The following IPCEF1 variants were observed in gnomAD, a reference collection of about 807,000 sequenced individuals.
The protein encoded by IPCEF1 is interaction protein for cytohesin exchange factors 1.
A neutral mutation model predicts 50.9 loss-of-function variants in IPCEF1; 31 were observed. The ratio of observed to expected loss-of-function variants is 0.61; its 90% CI spans 0.46 to 0.82. The LOEUF (loss-of-function observed/expected upper bound fraction) is 0.82. Ranked by LOEUF, IPCEF1 falls within the 40% of genes least tolerant of loss-of-function variation. IPCEF1 has a pLI of 0.00. For synonymous variants in IPCEF1, 181 were observed against 192.0 expected (o/e 0.94, Z 0.47); for missense variants, 458 against 514.0 (o/e 0.89, Z 1.05).
intron 3 of IPCEF1, among the ~76,000 whole-genome samples, chr6:154,248,971 G>A (rs1209494430): frequency 6.6e-6 from 1 of 152,022 alleles, no homozygotes. Flanking sequence ...TTACAACGAA[G>A]CTAAAGTGTT....
At chr6:154,225,250 T>C (rs1779161856) in intron 5 of IPCEF1, among the ~76,000 whole-genome samples, 1 of 152,204 alleles carries the variant, frequency 6.6e-6, no homozygotes, top group Non-Finnish European at 1.5e-5. Context: ...TTTTGGATTA[T>C]GGATGCTCAG....
chr6:154,176,926 T>C (rs1800383204), intron 10 of IPCEF1, among the ~76,000 whole-genome samples: 1 of 152,200 alleles, frequency 6.6e-6, no homozygotes, highest in Non-Finnish European at 1.5e-5. Context: ...AGCATGACAC[T>C]GGTACTAAAA....
chr6:154,249,518 T>C (rs193222336), intron 3 of IPCEF1, among the ~76,000 whole-genome samples: 5 of 152,164 alleles, frequency 3.3e-5, no homozygotes, highest in Non-Finnish European at 4.4e-5. Context: ...GAAAAGGGCG[T>C]TGTTAACAGT....
chr6:154,202,419 T>C (rs542042496), intron 9 of IPCEF1, among the ~76,000 whole-genome samples: 1 of 152,254 alleles, frequency 6.6e-6, no homozygotes, highest in East Asian at 1.9e-4. Context: ...GCAGGAATAG[T>C]TTACTCGTTA....
At chr6:154,247,011 G>T (rs1781108088) in intron 4 of IPCEF1, 1 of 445,210 alleles carries the variant, frequency 2.2e-6, no homozygotes, top group Non-Finnish European at 3.9e-6. Context: ...ATAAGATACG[G>T]CCAAAGAAAC....
At chr6:154,197,630 G>T (rs184879232) in intron 10 of IPCEF1, among the ~76,000 whole-genome samples, 68 of 152,320 alleles carry the variant, frequency 4.5e-4, no homozygotes, top group African/African-American at 1.6e-3. Context: ...AAAAGGGCTG[G>T]TGGTACCCAG....
intron 1 of IPCEF1, among the ~76,000 whole-genome samples, chr6:154,314,950 A>C (rs2128683021): frequency 6.7e-6 from 1 of 149,562 alleles, no homozygotes; most frequent in Admixed American, 6.8e-5. Context: ...ACACAATCTC[A>C]GCTCACTGCA....
intron 5 of IPCEF1, among the ~76,000 whole-genome samples, chr6:154,244,658 C>A (rs535120979): frequency 5.9e-5 from 9 of 152,292 alleles, no homozygotes; most frequent in Admixed American, 5.9e-4. Flanking sequence ...TAACTCATTT[C>A]TCCTCTAAGA....
chr6:154,211,267 T>A (rs2128604701), intron 9 of IPCEF1, among the ~76,000 whole-genome samples: 1 of 151,918 alleles, frequency 6.6e-6, no homozygotes, highest in South Asian at 2.1e-4. Flanking sequence ...ATACAAAAAA[T>A]TAGCCGGGCG....
intron 2 of IPCEF1, among the ~76,000 whole-genome samples, chr6:154,271,234 T>G (rs962782049): frequency 6.6e-6 from 1 of 151,664 alleles, no homozygotes; most frequent in African/African-American, 2.4e-5. Context: ...CAGCCCTGTA[T>G]GATGGCAGGC....
intron 2 of IPCEF1, among the ~76,000 whole-genome samples, chr6:154,282,662 G>A (rs1315173599): frequency 2.0e-5 from 3 of 152,148 alleles, no homozygotes; most frequent in Admixed American, 1.3e-4. Context: ...AGTCTGGCCT[G>A]GGCAAAAGAG....
intron 2 of IPCEF1, among the ~76,000 whole-genome samples, chr6:154,274,117 A>G (rs13199862): frequency 0.23 from 34,939 of 150,558 alleles, 4,621 homozygotes; most frequent in African/African-American, 0.35. Flanking sequence ...TCTACTTGCT[A>G]TAGAATATTC....
chr6:154,301,316 T>C (rs1308337273), intron 1 of IPCEF1, among the ~76,000 whole-genome samples: 1 of 152,194 alleles, frequency 6.6e-6, no homozygotes, highest in East Asian at 1.9e-4. Context: ...CCTGGGGCCA[T>C]GCACTGGTAG....
intron 5 of IPCEF1, among the ~76,000 whole-genome samples, chr6:154,236,173 AC>A (rs1482499765): frequency 6.6e-6 from 1 of 152,234 alleles, no homozygotes; most frequent in Non-Finnish European, 1.5e-5. Flanking sequence ...GAGTCAATAA[AC>A]AAAATGTGGT....
chr6:154,246,713 G>T lies in IPCEF1; in HGVS notation c.124C>A (p.His42Asn). 1 of 1,613,958 alleles carries T rather than the reference G, an allele frequency of 6.2e-7. No homozygotes were observed. Among genetic ancestry groups the T allele is most frequent in the Non-Finnish European group, 8.5e-7 (1 of 1,179,964 alleles). ...TACAGCCACCCTTGGCAGTCAGCATGGCCCAGATCTTTACACGATATCCTC... is the reference window on the plus strand; with the variant it reads ...TACAGCCACCCTTGGCAGTCAGCATTGCCCAGATCTTTACACGATATCCTC... ...RRRISCKDLG[H>N]ADCQGWLYKK... is the part of the protein sequence containing the mutation. Residue 42 changes from histidine (H) to asparagine (N), a missense_variant, in exon 5 of 12, where the codon CAT (histidine) becomes AAT (asparagine). Physicochemically the swap from His to Asn is moderately conservative, Grantham distance 68. Transcript: ENST00000367220.
At chr6:154,315,087 T>G (rs1783180863) in intron 1 of IPCEF1, among the ~76,000 whole-genome samples, 1 of 152,184 alleles carries the variant, frequency 6.6e-6, no homozygotes, top group Non-Finnish European at 1.5e-5. Flanking sequence ...TTCACCATGT[T>G]GGCCAGGCTA....
At chr6:154,172,251 C>T (rs1223508445) in intron 10 of IPCEF1, among the ~76,000 whole-genome samples, 1 of 152,180 alleles carries the variant, frequency 6.6e-6, no homozygotes, top group Non-Finnish European at 1.5e-5. Flanking sequence ...TTCTGCATTC[C>T]CAACTGAAGT....
intron 2 of IPCEF1, among the ~76,000 whole-genome samples, chr6:154,266,386 TA>T (rs994993217): frequency 4.6e-5 from 7 of 151,856 alleles, no homozygotes; most frequent in Non-Finnish European, 7.4e-5. Flanking sequence ...TCCTGTCTCT[TA>T]AAAAAATTTT....
chr6:154,277,240 G>A (rs1247709180), intron 2 of IPCEF1, among the ~76,000 whole-genome samples: 1 of 152,164 alleles, frequency 6.6e-6, no homozygotes, highest in Non-Finnish European at 1.5e-5. Context: ...AAAAATCTGG[G>A]TTAGTGTCTC....
Sources: gnomAD v4.1 joint callset for allele counts (sites outside exome capture counted in the v4.1 genomes callset) on GRCh38, gnomAD v4.1.1 for gene constraint, MANE v1.5 for transcripts, NCBI Gene and HGNC (gene_info 2026-07-23, HGNC 2026-07-21) for gene names.